The following MID1 variants were observed in gnomAD, a reference collection of about 807,000 sequenced individuals.
MID1 encodes midline 1.
MID1 carries 7 observed loss-of-function variants against 40.4 expected under a neutral mutation model. That is an observed-to-expected ratio of 0.17 (90% CI 0.10 to 0.33). The LOEUF is 0.33. Among genes scored for constraint, MID1 ranks in the 10% least tolerant of loss-of-function variants. MID1 has a pLI of 1.00. For missense variants in MID1, 367 were observed against 558.5 expected (o/e 0.66, Z 3.46); for synonymous variants, 229 against 221.2 (o/e 1.04, Z -0.31).
intron 3 of MID1, among the ~76,000 whole-genome samples, chrX:10,520,744 C>T (rs1409056881): frequency 9.0e-6 from 1 of 111,459 alleles, no homozygotes; most frequent in Non-Finnish European, 1.9e-5. Flanking sequence ...AAAACAAATT[C>T]CCTGAGCTCC....
intron 5 of MID1, among the ~76,000 whole-genome samples, chrX:10,480,803 TATAAG>T (rs1217856289): frequency 9.0e-6 from 1 of 111,434 alleles, no homozygotes; most frequent in Non-Finnish European, 1.9e-5. Flanking sequence ...TTTCCTCAAA[TATAAG>T]AAATAATACA....
intron 1 of MID1, among the ~76,000 whole-genome samples, chrX:10,681,038 A>AATAATG (rs1481391094): frequency 1.0e-5 from 1 of 96,387 alleles, no homozygotes; most frequent in Non-Finnish European, 2.0e-5. Flanking sequence ...TAATAATAAT[A>AATAATG]ATAATAATAA....
At chrX:10,787,705 C>A (rs982818219) in intron 1 of MID1, among the ~76,000 whole-genome samples, 4 of 103,769 alleles carry the variant, frequency 3.9e-5, no homozygotes, top group Non-Finnish European at 7.8e-5. Flanking sequence ...GCCACTGCAC[C>A]CGGCCCAAAA....
At chrX:10,809,444 T>C (rs1322900302) in intron 1 of MID1, among the ~76,000 whole-genome samples, 5 of 111,486 alleles carry the variant, frequency 4.5e-5, no homozygotes, top group Admixed American at 3.8e-4. Flanking sequence ...ACCCAAAGGA[T>C]TATAAATCAT....
At chrX:10,658,447 A>C (rs2042890641) in intron 1 of MID1, among the ~76,000 whole-genome samples, 1 of 101,890 alleles carries the variant, frequency 9.8e-6, no homozygotes, top group African/African-American at 3.5e-5. Context: ...AAAAAAAAAA[A>C]AAAAAAAAAA....
intron 1 of MID1, among the ~76,000 whole-genome samples, chrX:10,649,225 G>A (rs1936292766): frequency 8.9e-6 from 1 of 111,854 alleles, no homozygotes; most frequent in African/African-American, 3.2e-5. Context: ...GTGCATGTAA[G>A]TGGGTATTAT....
At chrX:10,556,717 T>G (rs1415015380) in intron 2 of MID1, among the ~76,000 whole-genome samples, 1 of 112,440 alleles carries the variant, frequency 8.9e-6, no homozygotes, top group East Asian at 2.8e-4. Flanking sequence ...ATGCAAAATG[T>G]GTTTTCCTTT....
intron 2 of MID1, among the ~76,000 whole-genome samples, chrX:10,537,664 G>A (rs1018063271): frequency 1.8e-5 from 2 of 112,472 alleles, no homozygotes; most frequent in Non-Finnish European, 3.7e-5. Context: ...TTAGCACTGT[G>A]CAATTTTGAC....
intron 1 of MID1, among the ~76,000 whole-genome samples, chrX:10,760,040 C>A (rs1413479526): frequency 9.0e-6 from 1 of 111,540 alleles, no homozygotes; most frequent in Non-Finnish European, 1.9e-5. Flanking sequence ...TGATGAAATC[C>A]TCATACCGTT....
At chrX:10,554,913 C>G (rs908615729) in intron 2 of MID1, among the ~76,000 whole-genome samples, 1 of 111,991 alleles carries the variant, frequency 8.9e-6, no homozygotes, top group Non-Finnish European at 1.9e-5. Flanking sequence ...AATAAACACT[C>G]TACCAGGTCA....
rs34917176 is a variant in MID1 at position 10,683,770 on chromosome X, CTTTTTTT to C, written c.-186-63358_-186-63352del. Among the ~76,000 whole-genome samples, 102 of 45,079 alleles carry C rather than the reference CTTTTTTT, an allele frequency of 2.3e-3. 2 individuals are homozygous for C. The highest frequency in any genetic ancestry group is 8.8e-3 in the African/African-American group (81 of 9,243). 39.1% of individuals were successfully genotyped at this position (45,079 alleles called of 115,157 possible). A position where few individuals can be genotyped will look rare whatever the true frequency, so the allele number is the denominator to read the frequency against. On this transcript the variant is annotated intron_variant, in intron 1 of 10. Transcript: ENST00000380785. ...CTGCACAGAAGGAATTGCACGTCAT[CTTTTTTT>C]TTTTTTTTTTTTTTTTTTTTTTTGA...
At chrX:10,818,809 A>G (rs2044155835) in intron 1 of MID1, among the ~76,000 whole-genome samples, 1 of 112,264 alleles carries the variant, frequency 8.9e-6, no homozygotes, top group Non-Finnish European at 1.9e-5. Flanking sequence ...GTCTTATCAA[A>G]TGACTCTGAG....
intron 1 of MID1, among the ~76,000 whole-genome samples, chrX:10,815,482 T>C (rs182179715): frequency 1.8e-5 from 2 of 112,726 alleles, no homozygotes; most frequent in Admixed American, 9.4e-5. Context: ...TGAGCTCACA[T>C]GTCCTAGCTA....
intron 1 of MID1, among the ~76,000 whole-genome samples, chrX:10,817,572 CTCTCTT>C (rs2044147214): frequency 2.5e-5 from 2 of 79,512 alleles, no homozygotes; most frequent in African/African-American, 1.0e-4. Context: ...TTCTTTCTTT[CTCTCTT>C]TCTTTCTTTC....
chrX:10,449,446 G>T lies in MID1; in HGVS notation c.1926C>A (p.Thr642=). Residue 642 remains threonine, a synonymous_variant, in exon 10 of 10, where the codon ACC becomes ACA. Coordinates refer to ENST00000317552, the MANE Select transcript of MID1 (RefSeq NM_000381.4). The stretch of plus-strand genomic sequence containing the variant: ...TAATCGTCAGACACTTGTTCCACAC[G>T]GTGAAGGTGGGGCAAACAGGCTGCG... ...AFAQPVCPTF[T]VWNKCLTIIT... 1 of 1,211,837 alleles carries T rather than the reference G, an allele frequency of 8.3e-7. No individual in the cohort carries two copies. The highest frequency in any genetic ancestry group is 1.1e-6 in the Non-Finnish European group (1 of 895,464).
chrX:10,780,043 C>T (rs1054714780), intron 1 of MID1, among the ~76,000 whole-genome samples: 1 of 109,939 alleles, frequency 9.1e-6, no homozygotes, highest in African/African-American at 3.3e-5. Flanking sequence ...CTGCATCCTC[C>T]GCCTCCCAGG....
intron 1 of MID1, among the ~76,000 whole-genome samples, chrX:10,660,979 C>T (rs1602501730): frequency 9.0e-6 from 1 of 111,001 alleles, no homozygotes; most frequent in African/African-American, 3.3e-5. Flanking sequence ...CAAATGTAAG[C>T]TGAAATGAAC....
intron 5 of MID1, among the ~76,000 whole-genome samples, chrX:10,480,421 T>C (rs1930254698): frequency 8.9e-6 from 1 of 112,306 alleles, no homozygotes; most frequent in Non-Finnish European, 1.9e-5. Context: ...TGACACTTGG[T>C]TGAATCTTCA....
chrX:10,645,503 G>A (rs1245177003), intron 1 of MID1, among the ~76,000 whole-genome samples: 1 of 112,115 alleles, frequency 8.9e-6, no homozygotes, highest in Non-Finnish European at 1.9e-5. Flanking sequence ...CTCCATTTAG[G>A]TGATAGTTCA....
Sources: allele counts gnomAD v4.1 joint callset (sites outside exome capture counted in the v4.1 genomes callset), GRCh38; gene constraint gnomAD v4.1.1; transcripts MANE v1.5; gene names NCBI Gene and HGNC (gene_info 2026-07-23, HGNC 2026-07-21).